PRSS55: variants seen among roughly 807,000 people sequenced by gnomAD.
The protein encoded by PRSS55 is probable serine protease UNQ9391/PRO34284.
PRSS55 carries 41 observed loss-of-function variants against 23.6 expected under a neutral mutation model. That is an observed-to-expected ratio of 1.74 (90% CI 1.35 to 2.26). The LOEUF is 2.26. Ranked by LOEUF, PRSS55 falls within the 30% of genes most tolerant of loss-of-function variation. The probability of loss-of-function intolerance (pLI) is 0.00; values close to 1 mark genes in which losing one functional copy is unlikely to be tolerated. For missense variants in PRSS55, 669 were observed against 439.1 expected, an observed-to-expected ratio of 1.52 and a Z score of -4.68; for synonymous variants, 262 against 175.5, an observed-to-expected ratio of 1.49 and a Z score of -3.90.
intron 4 of PRSS55, among the ~76,000 whole-genome samples, chr8:10,549,588 G>A (rs1213730250): frequency 6.6e-6 from 1 of 152,164 alleles, no homozygotes; most frequent in Non-Finnish European, 1.5e-5. Context: ...AAAAGACCCT[G>A]GTTCTAAGAT....
intron 4 of PRSS55, chr8:10,544,885 CATT>C (rs1812775972): frequency 2.3e-6 from 1 of 434,310 alleles, no homozygotes; most frequent in African/African-American, 2.1e-5. Context: ...ATAATTGTTA[CATT>C]ATTTAACTTT....
In PRSS55 at chr8:10,525,577, C is replaced by T. The variant is rs200761955; in HGVS notation, c.-9C>T. The stretch of plus-strand genomic sequence containing the variant: ...TGTCACCCCCGGGCCCACAGCACAG[C>T]CCAGGGCCATGCTCCTGTTCTCAGT... On this transcript the variant is annotated 5_prime_UTR_variant, in exon 1 of 5. Transcript: ENST00000328655. The T allele has an allele frequency of 1.9e-6, 3 of 1,613,496 alleles. No homozygotes were observed. The South Asian group carries it at 3.3e-5, about 18-fold the overall frequency.
chr8:10,534,820 TAGTCTCTGCCCAA>T (rs891765091), intron 4 of PRSS55, among the ~76,000 whole-genome samples: 5 of 152,208 alleles, frequency 3.3e-5, no homozygotes, highest in African/African-American at 1.2e-4. Context: ...GAAAACCCCA[TAGTCTCTGCCCAA>T]AGTCTCCTAG....
chr8:10,541,165 C>T (rs1005066789), downstream of PRSS55: 2 of 152,346 alleles, frequency 1.3e-5, no homozygotes, highest in African/African-American at 4.8e-5. Context: ...ACTGACTCTC[C>T]TGGGACTCCC....
At chr8:10,543,432 C>CT (rs1563547235), downstream of PRSS55, among the ~76,000 whole-genome samples, 19 of 18,694 alleles carry the variant, frequency 1.0e-3, no homozygotes, top group East Asian at 0.074. Context: ...TTCTTCCTTC[C>CT]TTCCTTCCTT....
chr8:10,532,817 A>G (rs1585873572), intron 3 of PRSS55, 89 bp from the exon 4 acceptor site: 1 of 1,533,432 alleles, frequency 6.5e-7, no homozygotes, highest in African/African-American at 1.4e-5. Flanking sequence ...GGGCTGGGGG[A>G]CACAGGGCCG....
At chr8:10,545,833 T>G (rs938518699) in intron 4 of PRSS55, among the ~76,000 whole-genome samples, 2 of 152,216 alleles carry the variant, frequency 1.3e-5, no homozygotes, top group African/African-American at 4.8e-5. Flanking sequence ...CAATGCAAAG[T>G]GCATGTTTAA....
chr8:10,536,819 A>T (rs1812471679), intron 4 of PRSS55, among the ~76,000 whole-genome samples: 1 of 152,238 alleles, frequency 6.6e-6, no homozygotes, highest in Non-Finnish European at 1.5e-5. Flanking sequence ...AATGTTGAAT[A>T]CACATGGACA....
Position 10,538,699 on chromosome 8 carries a change from C to T in PRSS55, c.965C>T (p.Ser322Phe). 1 of 1,614,114 alleles carries T rather than the reference C, an allele frequency of 6.2e-7. No individual in the cohort carries two copies. The highest frequency in any genetic ancestry group is 8.5e-7 in the Non-Finnish European group (1 of 1,179,984). Residue 322 changes from serine (S) to phenylalanine (F), a missense_variant, in exon 5 of 5, where the codon TCC becomes TTC. Coordinates refer to ENST00000328655, the MANE Select transcript of PRSS55 (RefSeq NM_198464.4). The part of the protein sequence containing the change: ...RTSVKQKPMG[S>F]PVSGVPEPGS... Reference sequence around the variant, plus strand: ...TCTGTCAAACAGAAACCTATGGGCTCCCCAGTCTCGGGAGTCCCAGAGCCA... The same window carrying T: ...TCTGTCAAACAGAAACCTATGGGCTTCCCAGTCTCGGGAGTCCCAGAGCCA...
chr8:10,537,837 T>G (rs1812509624), intron 4 of PRSS55, among the ~76,000 whole-genome samples: 1 of 152,180 alleles, frequency 6.6e-6, no homozygotes. Flanking sequence ...GCAGGCTCAT[T>G]TGCCTTGTGT....
At chr8:10,534,587 A>G (rs1352866838) in intron 4 of PRSS55, among the ~76,000 whole-genome samples, 3 of 152,170 alleles carry the variant, frequency 2.0e-5, no homozygotes, top group Admixed American at 6.5e-5. Flanking sequence ...AGAGCCCTCT[A>G]TGACAAACCC....
At chr8:10,526,873 C>A (rs1242669234) in intron 1 of PRSS55, among the ~76,000 whole-genome samples, 2 of 152,134 alleles carry the variant, frequency 1.3e-5, no homozygotes, top group South Asian at 4.2e-4. Flanking sequence ...GGGTGGGTAC[C>A]CAACGATAAG....
In PRSS55 at chr8:10,532,931, T is replaced by A; in HGVS notation, c.624T>A (p.Asp208Glu). ...NAADKNSVKT[D>E]LMKAPMVIMD... Reference sequence around the variant, plus strand: ...CTGACAAAAACTCTGTGAAAACGGATCTGATGAAAGCGCCAATGGTCATCA... The same window carrying A: ...CTGACAAAAACTCTGTGAAAACGGAACTGATGAAAGCGCCAATGGTCATCA... The change falls in exon 4 of 5, where the codon GAT (aspartate) becomes GAA (glutamate). Residue 208 changes from aspartate (D) to glutamate (E), a missense_variant. Coordinates refer to ENST00000328655, the MANE Select transcript of PRSS55 (RefSeq NM_198464.4). 6.2e-7 allele frequency: 1 copy of A among 1,614,176 alleles called. No individual in the cohort carries two copies. The highest frequency in any genetic ancestry group is 8.5e-7 in the Non-Finnish European group (1 of 1,180,034).
At chr8:10,532,711 G>T (rs1812312538) in intron 3 of PRSS55, among the ~76,000 whole-genome samples, 195 bp from the exon 4 acceptor site, 1 of 152,192 alleles carries the variant, frequency 6.6e-6, no homozygotes, top group Non-Finnish European at 1.5e-5. Context: ...AATAGTTCCA[G>T]TAGCTGTGGG....
At chr8:10,551,354 A>G (rs1288172346) in intron 4 of PRSS55, among the ~76,000 whole-genome samples, 1 of 152,194 alleles carries the variant, frequency 6.6e-6, no homozygotes, top group Non-Finnish European at 1.5e-5. Flanking sequence ...TCTTCCTGTT[A>G]TTGAATCAGA....
At position 10,554,057 on chromosome 8, in the gene PRSS55, A is replaced by T; in HGVS notation, c.*25A>T. 4 of 1,483,524 alleles carry T rather than the reference A, an allele frequency of 2.7e-6. No homozygotes were observed. The African/African-American group carries it at 5.6e-5, about 21-fold the overall frequency. The allele number at this position is 1,483,524 out of a possible 1,614,324, so 91.9% of individuals were successfully genotyped here. A position where few individuals can be genotyped will look rare whatever the true frequency, so the allele number is the denominator to read the frequency against. On this transcript the variant is annotated 3_prime_UTR_variant, in exon 5 of 5. Transcript: ENST00000522210. ...ATGCTTTGCTCTTTCTTCTACATGG[A>T]GCCATTTTTGGGGCAGAAAACATAC...
At chr8:10,531,708 C>T in intron 3 of PRSS55, 163 bp downstream of exon 3, 1 of 939,618 alleles carries the variant, frequency 1.1e-6, no homozygotes, top group Non-Finnish European at 1.6e-6. Flanking sequence ...TGCCGAAACC[C>T]CAAGGTGAGA....
intron 2 of PRSS55, among the ~76,000 whole-genome samples, chr8:10,530,968 C>G (rs1812232522): frequency 6.6e-6 from 1 of 152,176 alleles, no homozygotes; most frequent in South Asian, 2.1e-4. Context: ...TGATCCGTGC[C>G]AAGTGGCTTT....
chr8:10,547,819 A>G (rs1812855810), intron 4 of PRSS55, among the ~76,000 whole-genome samples: 1 of 128,870 alleles, frequency 7.8e-6, no homozygotes, highest in Non-Finnish European at 1.6e-5. Flanking sequence ...AGAGTCTTTT[A>G]TGTGCCGTTG....
Sources: gnomAD v4.1 joint callset for allele counts (sites outside exome capture counted in the v4.1 genomes callset) on GRCh38, gnomAD v4.1.1 for gene constraint, MANE v1.5 for transcripts, NCBI Gene and HGNC (gene_info 2026-07-23, HGNC 2026-07-21) for gene names.